ARHGAP44: variants seen among roughly 807,000 people sequenced by gnomAD.
ARHGAP44 encodes the protein rho GTPase-activating protein 44.
Under a neutral mutation model 106.8 loss-of-function variants are expected in ARHGAP44, and 43 were observed. That is an observed-to-expected ratio of 0.40 (90% CI 0.32 to 0.52). The LOEUF is 0.52. ARHGAP44 is among the 20% of genes least tolerant of loss of function. ARHGAP44 has a pLI of 0.48. For synonymous variants in ARHGAP44, 439 were observed against 410.3 expected, an observed-to-expected ratio of 1.07 and a Z score of -0.85; for missense variants, 866 against 1,050.5, an observed-to-expected ratio of 0.82 and a Z score of 2.43.
rs2038783163 is a variant in ARHGAP44, at chr17:12,944,140, G to A, written c.805G>A (p.Ala269Thr). The A allele has an allele frequency of 1.2e-6, 2 of 1,612,606 alleles. No homozygotes were observed. The highest frequency in any genetic ancestry group is 8.5e-7 in the Non-Finnish European group (1 of 1,179,768). The change falls in exon 10 of 21, where the codon GCC (alanine) becomes ACC (threonine). Residue 269 changes from alanine (A) to threonine (T), a missense_variant. Coordinates refer to ENST00000379672, the MANE Select transcript of ARHGAP44 (RefSeq NM_014859.6). ...CCTCACCATCAGCGGCCGGGAGATCGCCTTCCCCATCGAGGCGTGTGTGAC... is the reference window on the plus strand; with the variant it reads ...CCTCACCATCAGCGGCCGGGAGATCACCTTCCCCATCGAGGCGTGTGTGAC... ...EHLTISGREI[A>T]FPIEACVTML...
chr17:12,830,829 C>G (rs577693684), intron 1 of ARHGAP44, among the ~76,000 whole-genome samples: 1 of 152,312 alleles, frequency 6.6e-6, no homozygotes, highest in South Asian at 2.1e-4. Flanking sequence ...AATTTACACA[C>G]AAGCTTAGCT....
intron 1 of ARHGAP44, among the ~76,000 whole-genome samples, chr17:12,812,631 T>C (rs1050955313): frequency 6.6e-6 from 1 of 152,194 alleles, no homozygotes; most frequent in African/African-American, 2.4e-5. Flanking sequence ...TTTGACCTAA[T>C]TTCTGTAAAG....
chr17:12,832,815 C>G lies in ARHGAP44; in HGVS notation c.53+42924C>G, dbSNP rs570082011. 2.0e-4 allele frequency among the ~76,000 whole-genome samples: 30 copies of G among 152,322 alleles called. No individual in the cohort carries two copies. The South Asian group carries it at 5.8e-3, about 29-fold the overall frequency. On this transcript the variant is annotated intron_variant, in intron 1 of 20. Transcript: ENST00000379672. ...CAAGGAGAAAATCTTTGTCACTGCTCTTGTTTGTAAAAGGGAAACATTGGA... is the reference window on the plus strand; with the variant it reads ...CAAGGAGAAAATCTTTGTCACTGCTGTTGTTTGTAAAAGGGAAACATTGGA...
At chr17:12,926,459 C>T (rs12449622) in intron 6 of ARHGAP44, among the ~76,000 whole-genome samples, 7 of 111,270 alleles carry the variant, frequency 6.3e-5, no homozygotes, top group African/African-American at 1.9e-4. Flanking sequence ...AATATATATA[C>T]ATATATAATA....
intron 1 of ARHGAP44, among the ~76,000 whole-genome samples, chr17:12,821,941 C>T (rs1283884291): frequency 6.6e-6 from 1 of 152,168 alleles, no homozygotes; most frequent in African/African-American, 2.4e-5. Context: ...GATTTATACA[C>T]TACTTTACCA....
intron 7 of ARHGAP44, among the ~76,000 whole-genome samples, chr17:12,933,067 C>CT (rs1160342519): frequency 6.6e-6 from 1 of 152,112 alleles, no homozygotes; most frequent in East Asian, 1.9e-4. Context: ...CTTGAGAGTG[C>CT]TTAATGCTGG....
intron 16 of ARHGAP44, among the ~76,000 whole-genome samples, chr17:12,966,649 C>T (rs1026828634): frequency 2.6e-5 from 4 of 152,224 alleles, no homozygotes; most frequent in African/African-American, 7.2e-5. Flanking sequence ...TGAATGTGCA[C>T]GCCTACAGTG....
Position 12,958,606 on chromosome 17 carries a change from T to C in ARHGAP44, c.1343-111T>C. On this transcript the variant is annotated intron_variant, in intron 15 of 20. Coordinates refer to ENST00000379672, the MANE Select transcript of ARHGAP44 (RefSeq NM_014859.6). This position sits in a 1 kb window ranked among gnomAD's most constrained non-coding sequence, Gnocchi z 4.1. ...TAATAAGGTGAACCATGGGATGAAA[T>C]TTTCTAGGGATGACATACGAGGGAG... 1 of 1,068,242 alleles carries C rather than the reference T, an allele frequency of 9.4e-7. No homozygotes were observed. The highest frequency in any genetic ancestry group is 1.4e-6 in the Non-Finnish European group (1 of 739,134). The allele number at this position is 1,068,242 out of a possible 1,614,324, so 66.2% of individuals were successfully genotyped here. A position where few individuals can be genotyped will look rare whatever the true frequency, so the allele number is the denominator to read the frequency against.
At chr17:12,904,077 G>A (rs559110028) in intron 3 of ARHGAP44, among the ~76,000 whole-genome samples, 11 of 151,866 alleles carry the variant, frequency 7.2e-5, no homozygotes, top group African/African-American at 2.7e-4. Flanking sequence ...TTGTCATTTG[G>A]TGGCTTCCTT....
intron 16 of ARHGAP44, among the ~76,000 whole-genome samples, chr17:12,971,155 A>G (rs551203428): frequency 1.3e-5 from 2 of 152,216 alleles, no homozygotes; most frequent in African/African-American, 4.8e-5. Flanking sequence ...TTGAACCCAT[A>G]TTTCTCAGTT....
At chr17:12,827,773 T>C (rs940242947) in intron 1 of ARHGAP44, among the ~76,000 whole-genome samples, 1 of 152,156 alleles carries the variant, frequency 6.6e-6, no homozygotes, top group Non-Finnish European at 1.5e-5. Flanking sequence ...TTAAAAAAAT[T>C]AGTAACAACC....
chr17:12,791,891 C>A (rs1235132224), intron 1 of ARHGAP44, among the ~76,000 whole-genome samples: 3 of 152,168 alleles, frequency 2.0e-5, no homozygotes, highest in Admixed American at 1.3e-4. Flanking sequence ...GCCTGTATCG[C>A]TTTTGATGAA....
intron 3 of ARHGAP44, among the ~76,000 whole-genome samples, chr17:12,897,843 G>T (rs548650397): frequency 2.6e-5 from 4 of 151,422 alleles, no homozygotes; most frequent in African/African-American, 9.7e-5. Context: ...TTTGGTGTTG[G>T]TAGGCGGATT....
intron 7 of ARHGAP44, among the ~76,000 whole-genome samples, chr17:12,937,456 G>T (rs988216569): frequency 1.3e-5 from 2 of 152,096 alleles, no homozygotes; most frequent in Non-Finnish European, 2.9e-5. Context: ...CCATCAACTC[G>T]TCAATTACAG....
At chr17:12,920,172 G>C (rs1308019787) in intron 6 of ARHGAP44, among the ~76,000 whole-genome samples, 1 of 152,024 alleles carries the variant, frequency 6.6e-6, no homozygotes, top group Non-Finnish European at 1.5e-5. Flanking sequence ...TCAAGAGATC[G>C]AGACCATCCT....
chr17:12,952,376 C>A, intron 12 of ARHGAP44, 125 bp from the exon 13 acceptor site: 1 of 768,018 alleles, frequency 1.3e-6, no homozygotes, highest in Non-Finnish European at 2.1e-6. Flanking sequence ...TTTTTAAATA[C>A]TAGCTTGCTG....
intron 16 of ARHGAP44, 95 bp from the exon 17 acceptor site, chr17:12,973,207 C>A (rs2039573393): frequency 7.7e-7 from 1 of 1,301,570 alleles, no homozygotes; most frequent in East Asian, 2.5e-5. Context: ...GACCCTGGAC[C>A]ATGGAGAGAG....
rs1243098564 is a variant in ARHGAP44, at chr17:12,789,829, C to T, written c.-10C>T. ...CCCAGCTCCCGGGCTAGCGCGGCAGCGGGGCCACGATGAAGAAGCAGTTCA... is the reference window on the plus strand; with the variant it reads ...CCCAGCTCCCGGGCTAGCGCGGCAGTGGGGCCACGATGAAGAAGCAGTTCA... On this transcript the variant is annotated 5_prime_UTR_variant, in exon 1 of 21. Transcript: ENST00000379672. 5 of 1,505,572 alleles carry T rather than the reference C, an allele frequency of 3.3e-6. No homozygotes were observed. Among genetic ancestry groups the T allele is most frequent in the Non-Finnish European group, 2.7e-6 (3 of 1,129,164 alleles). The allele number at this position is 1,505,572 out of a possible 1,614,324, so 93.3% of individuals were successfully genotyped here.
chr17:12,881,900 A>T (rs1027656353), intron 1 of ARHGAP44, among the ~76,000 whole-genome samples: 1 of 152,130 alleles, frequency 6.6e-6, no homozygotes, highest in Non-Finnish European at 1.5e-5. Flanking sequence ...TATGTTGTCT[A>T]GGCTGGTCAA....
Sources: allele counts gnomAD v4.1 joint callset (sites outside exome capture counted in the v4.1 genomes callset), GRCh38; gene constraint gnomAD v4.1.1; non-coding constraint Gnocchi (gnomAD v3.1); transcripts MANE v1.5; gene names NCBI Gene and HGNC (gene_info 2026-07-23, HGNC 2026-07-21).